Variants in SLC35F5 observed in about 807,000 individuals in gnomAD.
SLC35F5 encodes the protein solute carrier family 35 member F5, also known as HCV NS5A-transactivated protein 3.
In SLC35F5, 54 loss-of-function variants were observed where a neutral mutation model predicts 68.6. The observed-to-expected ratio is 0.79, with a 90% CI of 0.63 to 0.99. The LOEUF (loss-of-function observed/expected upper bound fraction) is 0.99. Ranked by LOEUF, SLC35F5 falls within the 50% of genes least tolerant of loss-of-function variation. The pLI, the probability that SLC35F5 is intolerant of heterozygous loss-of-function variation, is 0.00. For synonymous variants in SLC35F5, 211 were observed against 205.2 expected, an observed-to-expected ratio of 1.03 and a Z score of -0.24; for missense variants, 567 against 626.9, an observed-to-expected ratio of 0.90 and a Z score of 1.02.
Position 113,712,173 on chromosome 2 carries a change from T to G in SLC35F5, c.*3045A>C, listed in dbSNP as rs1453078267. Among the ~76,000 whole-genome samples the G allele has an allele frequency of 6.6e-6, 1 of 152,240 alleles. No homozygotes were observed. The highest frequency in any genetic ancestry group is 1.5e-5 in the Non-Finnish European group (1 of 68,048). ...TCAGCTGCCAGGGGGAAAATCAGCT[T>G]AATGTAAAGAATTAATTAAATCAGG... On this transcript the variant is annotated 3_prime_UTR_variant, in exon 16 of 16. Transcript: ENST00000245680.
chr2:113,743,094 G>T (rs1029156314), intron 6 of SLC35F5, among the ~76,000 whole-genome samples: 2 of 152,150 alleles, frequency 1.3e-5, no homozygotes, highest in Non-Finnish European at 2.9e-5. Flanking sequence ...GTTGTAAAAG[G>T]TTTAAAATGA....
Position 113,730,672 on chromosome 2 carries a change from G to A in SLC35F5, c.985+912C>T, listed in dbSNP as rs144050839. Among the ~76,000 whole-genome samples, 646 of 152,246 alleles carry A rather than the reference G, an allele frequency of 4.2e-3. 12 individuals are homozygous for A. Among genetic ancestry groups the A allele is most frequent in the Non-Finnish European group, 1.7e-3 (119 of 68,016 alleles). On this transcript the variant is annotated intron_variant, in intron 10 of 15. Coordinates refer to ENST00000245680, the MANE Select transcript of SLC35F5 (RefSeq NM_025181.5). ...TGGTATTGAACTCCTGGCCTCAAGC[G>A]ATCCTCCCACCTTGGCCTCCCAAAG...
intron 5 of SLC35F5, among the ~76,000 whole-genome samples, chr2:113,744,543 G>A (rs1176664223): frequency 6.6e-6 from 1 of 152,040 alleles, no homozygotes; most frequent in Non-Finnish European, 1.5e-5. Flanking sequence ...CTTGAGGTCG[G>A]GAGTTCGAGA....
chr2:113,727,911 C>T (rs1468276172), intron 11 of SLC35F5, among the ~76,000 whole-genome samples: 1 of 152,100 alleles, frequency 6.6e-6, no homozygotes, highest in Non-Finnish European at 1.5e-5. Context: ...CAACCACCTA[C>T]CTATAACACT....
intron 4 of SLC35F5, among the ~76,000 whole-genome samples, chr2:113,749,588 G>A (rs1252422773): frequency 2.0e-5 from 3 of 152,048 alleles, no homozygotes; most frequent in Non-Finnish European, 2.9e-5. Flanking sequence ...TAATACACAC[G>A]AAAGAAAAAG....
chr2:113,730,120 A>C (rs1687823971), intron 10 of SLC35F5, among the ~76,000 whole-genome samples: 1 of 152,196 alleles, frequency 6.6e-6, no homozygotes, highest in Admixed American at 6.5e-5. Flanking sequence ...TCATTTTATA[A>C]ATCTCATATT....
At chr2:113,753,692 A>C (rs1020763400) in intron 3 of SLC35F5, among the ~76,000 whole-genome samples, 1 of 152,212 alleles carries the variant, frequency 6.6e-6, no homozygotes, top group Non-Finnish European at 1.5e-5. Flanking sequence ...ATATGTATAC[A>C]TTGTGAAATG....
Position 113,742,615 on chromosome 2 carries a change from C to T in SLC35F5, c.750+77G>A, listed in dbSNP as rs1676319833. ...CAACCTAATTGTCTCACACTTCAATCCTATATTGTTGGTATGTATACAGTC... is the reference window on the plus strand; with the variant it reads ...CAACCTAATTGTCTCACACTTCAATTCTATATTGTTGGTATGTATACAGTC... On this transcript the variant is annotated intron_variant, in intron 7 of 15. Coordinates refer to ENST00000245680, the MANE Select transcript of SLC35F5 (RefSeq NM_025181.5). 2.8e-6 allele frequency: 4 copies of T among 1,405,632 alleles called. No homozygotes were observed. The South Asian group carries it at 4.8e-5, about 17-fold the overall frequency. The allele number at this position is 1,405,632 out of a possible 1,614,324, so 87.1% of individuals were successfully genotyped here.
intron 6 of SLC35F5, 76 bp from the exon 7 acceptor site, chr2:113,742,955 TA>T: frequency 7.3e-7 from 1 of 1,361,212 alleles, no homozygotes; most frequent in Non-Finnish European, 1.0e-6. Flanking sequence ...AATTTACTGA[TA>T]AATGTATAAG....
Position 113,721,639 on chromosome 2 carries a change from A to G in SLC35F5, c.1341+1465T>C, listed in dbSNP as rs545422705. ...AAGATGATTTACACAGTAGTCTACC[A>G]AAATCCTCTAACAAGTAGCACCTTC... is the stretch of plus-strand genomic sequence containing the variant. On this transcript the variant is annotated intron_variant, in intron 13 of 15. Coordinates refer to ENST00000245680, the MANE Select transcript of SLC35F5 (RefSeq NM_025181.5). Among the ~76,000 whole-genome samples, 201 of 152,256 alleles carry G rather than the reference A, an allele frequency of 1.3e-3. 1 individual carries two copies. The highest frequency in any genetic ancestry group is 4.5e-3 in the African/African-American group (189 of 41,560).
chr2:113,723,243 G>A (rs1574221634), intron 12 of SLC35F5, 49 bp from the exon 13 acceptor site: 1 of 1,179,862 alleles, frequency 8.5e-7, no homozygotes, highest in Non-Finnish European at 1.2e-6. Context: ...TTAAACCAAA[G>A]AAAAACACTG....
At chr2:113,753,162 G>GTTTTTTTTTTTTT (rs143010470) in intron 3 of SLC35F5, among the ~76,000 whole-genome samples, 64 of 50,524 alleles carry the variant, frequency 1.3e-3, no homozygotes, top group South Asian at 2.2e-3. Flanking sequence ...TCCAAAGTTT[G>GTTTTTTTTTTTTT]TTTTTCTTTT....
intron 4 of SLC35F5, among the ~76,000 whole-genome samples, chr2:113,747,073 G>C (rs963449050): frequency 1.3e-5 from 2 of 152,096 alleles, no homozygotes; most frequent in Admixed American, 1.3e-4. Flanking sequence ...GATCACTTGA[G>C]GTCAGGAGTT....
At chr2:113,743,644 C>T (rs1676371351) in intron 6 of SLC35F5, 69 bp downstream of exon 6, 1 of 1,256,000 alleles carries the variant, frequency 8.0e-7, no homozygotes, top group Non-Finnish European at 1.2e-6. Flanking sequence ...AGTCAACCCA[C>T]ATCATCACTA....
At chr2:113,702,852 T>C (rs1388319599), downstream of SLC35F5, among the ~76,000 whole-genome samples, 2 of 152,136 alleles carry the variant, frequency 1.3e-5, no homozygotes, top group Non-Finnish European at 2.9e-5. Context: ...CTCACATCTG[T>C]AATCCTAGCA....
Position 113,756,491 on chromosome 2 carries a change from C to T in SLC35F5, c.-82G>A. The T allele has an allele frequency of 6.6e-7, 1 of 1,522,658 alleles. No homozygotes were observed. The highest frequency in any genetic ancestry group is 8.8e-7 in the Non-Finnish European group (1 of 1,138,828). 94.3% of individuals were successfully genotyped at this position (1,522,658 alleles called of 1,614,324 possible). On this transcript the variant is annotated 5_prime_UTR_variant, in exon 1 of 16. Transcript: ENST00000245680. ...ACAGAGCTGTCACCGCGCCTGACAT[C>T]GCGCCGCACTGGAGGCCCAGCTCCT...
rs989985832 is a variant in SLC35F5, at chr2:113,742,829, G to A, written c.613C>T (p.Leu205Phe). 3 of 1,614,016 alleles carry A rather than the reference G, an allele frequency of 1.9e-6. No homozygotes were observed. The highest frequency in any genetic ancestry group is 2.7e-5 in the African/African-American group (2 of 74,932). The change falls in exon 7 of 16, where the codon CTT (leucine) becomes TTT (phenylalanine). Residue 205 changes from leucine to phenylalanine, a missense_variant. Coordinates refer to ENST00000245680, the MANE Select transcript of SLC35F5 (RefSeq NM_025181.5). ...GCTTCCAATGCATGACTTGACGGAA[G>A]CTGTCGAATCTCCATGATATTACTG... The part of the protein sequence containing the change: ...RFSNIMEIRQ[L>F]PSSHALEAKL...
At chr2:113,703,162 T>C (rs932283381), downstream of SLC35F5, among the ~76,000 whole-genome samples, 11 of 147,310 alleles carry the variant, frequency 7.5e-5, no homozygotes, top group South Asian at 2.2e-4. Context: ...ATGAATCTCT[T>C]TCTCTCTCTC....
Position 113,712,545 on chromosome 2 carries a change from G to C in SLC35F5, c.*2673C>G, listed in dbSNP as rs192056528. On this transcript the variant is annotated 3_prime_UTR_variant, in exon 16 of 16. Coordinates refer to ENST00000245680, the MANE Select transcript of SLC35F5 (RefSeq NM_025181.5). ...TTAACCAGGATGGTCTCGATCTCCT[G>C]ACCTCGTGATCCGCCCGCCTCGGCC... Among the ~76,000 whole-genome samples the C allele has an allele frequency of 1.1e-4, 16 of 152,256 alleles. No individual in the cohort carries two copies. The highest frequency in any genetic ancestry group is 3.6e-4 in the African/African-American group (15 of 41,558).
Sources: gnomAD v4.1 joint callset for allele counts (sites outside exome capture counted in the v4.1 genomes callset) on GRCh38, gnomAD v4.1.1 for gene constraint, MANE v1.5 for transcripts, NCBI Gene and HGNC (gene_info 2026-07-23, HGNC 2026-07-21) for gene names.